Variants in HOMER1 observed in about 807,000 individuals in gnomAD.
HOMER1 encodes the protein homer scaffold protein 1.
HOMER1 carries 3 observed loss-of-function variants against 48.9 expected under a neutral mutation model. That is an observed-to-expected ratio of 0.06 (90% CI 0.03 to 0.16). HOMER1 has a LOEUF of 0.16. HOMER1 is among the 10% of genes least tolerant of loss of function. HOMER1 has a pLI of 1.00. For missense variants in HOMER1, 247 were observed against 411.4 expected (o/e 0.60, Z 3.46); for synonymous variants, 134 against 146.4 (o/e 0.92, Z 0.61).
intron 1 of HOMER1, chr5:79,511,033 C>G (rs777917855): frequency 2.0e-5 from 6 of 303,228 alleles, no homozygotes; most frequent in Non-Finnish European, 3.0e-5. Flanking sequence ...AAAAATTCAT[C>G]CTAAGCTTCC....
At chr5:79,414,987 G>C (rs906364074) in intron 5 of HOMER1, among the ~76,000 whole-genome samples, 1 of 152,118 alleles carries the variant, frequency 6.6e-6, no homozygotes, top group Admixed American at 6.6e-5. Context: ...AAGTGAAATA[G>C]AATTTAAGTA....
chr5:79,426,963 T>C (rs1750274757), intron 5 of HOMER1, among the ~76,000 whole-genome samples: 1 of 151,988 alleles, frequency 6.6e-6, no homozygotes, highest in Admixed American at 6.6e-5. Flanking sequence ...TAAAAAAAAA[T>C]TGGGTTAATT....
At chr5:79,423,674 T>C (rs1021638554) in intron 5 of HOMER1, among the ~76,000 whole-genome samples, 4 of 152,138 alleles carry the variant, frequency 2.6e-5, no homozygotes, top group African/African-American at 9.6e-5. Context: ...TGCTCAGCCA[T>C]GGAAGGCCGT....
chr5:79,506,297 T>C (rs1442238258), intron 1 of HOMER1, among the ~76,000 whole-genome samples: 2 of 152,174 alleles, frequency 1.3e-5, no homozygotes, highest in South Asian at 2.1e-4. Flanking sequence ...TATGTGTTGA[T>C]AATTTCCCTC....
At chr5:79,458,497 C>A (rs991044707) in intron 1 of HOMER1, among the ~76,000 whole-genome samples, 1 of 151,450 alleles carries the variant, frequency 6.6e-6, no homozygotes, top group African/African-American at 2.4e-5. Context: ...ATTAGAAAAA[C>A]GGCAAGGCAA....
At chr5:79,389,987 T>C (rs1445227396) in intron 8 of HOMER1, among the ~76,000 whole-genome samples, 1 of 152,092 alleles carries the variant, frequency 6.6e-6, no homozygotes, top group East Asian at 1.9e-4. Flanking sequence ...AGGATATCAT[T>C]AAAAACTAAT....
At chr5:79,489,875 A>G (rs753985175) in intron 1 of HOMER1, among the ~76,000 whole-genome samples, 2 of 152,188 alleles carry the variant, frequency 1.3e-5, no homozygotes, top group Non-Finnish European at 2.9e-5. Context: ...TCTGATGCTT[A>G]GAATCCTCCA....
intron 5 of HOMER1, among the ~76,000 whole-genome samples, chr5:79,409,889 G>A (rs1260075001): frequency 6.6e-6 from 1 of 152,154 alleles, no homozygotes; most frequent in African/African-American, 2.4e-5. Flanking sequence ...TGAGGAGGTG[G>A]AGAAAGTGGA....
intron 5 of HOMER1, among the ~76,000 whole-genome samples, chr5:79,409,444 A>AG (rs1749758886): frequency 6.7e-6 from 1 of 150,018 alleles, no homozygotes; most frequent in Admixed American, 6.6e-5. Context: ...AAAAAAAAAA[A>AG]GGAGAAAACC....
intron 1 of HOMER1, among the ~76,000 whole-genome samples, chr5:79,467,538 T>G (rs1245710513): frequency 1.3e-5 from 2 of 152,040 alleles, no homozygotes; most frequent in Admixed American, 6.5e-5. Context: ...CCATATAATA[T>G]CTAAACAAAT....
intron 5 of HOMER1, among the ~76,000 whole-genome samples, chr5:79,415,441 A>G (rs1220691615): frequency 6.6e-6 from 1 of 152,242 alleles, no homozygotes; most frequent in African/African-American, 2.4e-5. Context: ...AATTGTAGTC[A>G]TAAAGTGAAT....
At chr5:79,382,891 A>T (rs1411286404) in intron 8 of HOMER1, among the ~76,000 whole-genome samples, 1 of 152,232 alleles carries the variant, frequency 6.6e-6, no homozygotes, top group Non-Finnish European at 1.5e-5. Flanking sequence ...TATCAATAGT[A>T]ACCTAGAATG....
intron 5 of HOMER1, among the ~76,000 whole-genome samples, chr5:79,419,871 C>A (rs928420412): frequency 2.1e-5 from 3 of 142,818 alleles, no homozygotes; most frequent in Admixed American, 1.4e-4. Context: ...CACGGAAGTA[C>A]CTCTTCCTTA....
Position 79,451,924 on chromosome 5 carries a change from T to C in HOMER1, c.163-803A>G, listed in dbSNP as rs574184062. The stretch of plus-strand genomic sequence containing the variant: ...AAGCTGATTTACCTGAAATACATTA[T>C]GATACAGAAAAGACTTGCAATCGTT... On this transcript the variant is annotated intron_variant, in intron 2 of 8. Coordinates refer to ENST00000334082, the MANE Select transcript of HOMER1 (RefSeq NM_004272.5). Among the ~76,000 whole-genome samples the C allele has an allele frequency of 9.3e-4, 142 of 152,274 alleles. 1 individual carries two copies. Among genetic ancestry groups the C allele is most frequent in the South Asian group, 5.2e-3 (25 of 4,818 alleles).
intron 2 of HOMER1, among the ~76,000 whole-genome samples, chr5:79,453,307 AAGT>A (rs943076684): frequency 1.1e-4 from 16 of 152,178 alleles, no homozygotes; most frequent in Non-Finnish European, 2.4e-4. Flanking sequence ...AATAACTCAA[AAGT>A]GAGTCAACAA....
chr5:79,392,195 C>T lies in HOMER1; in HGVS notation c.876+4628G>A, dbSNP rs535336360. Among the ~76,000 whole-genome samples the T allele has an allele frequency of 5.3e-5, 8 of 152,208 alleles. No homozygotes were observed. The East Asian group carries it at 1.4e-3, about 26-fold the overall frequency. ...ACTATTCAAGTTATTTTAGAGTGTA[C>T]TCCTTCTACTTATTTAAAAAAACAT... On this transcript the variant is annotated intron_variant, in intron 8 of 8. Transcript: ENST00000334082.
chr5:79,512,074 T>C (rs1375724054), intron 1 of HOMER1, among the ~76,000 whole-genome samples: 1 of 152,172 alleles, frequency 6.6e-6, no homozygotes, highest in Non-Finnish European at 1.5e-5. Flanking sequence ...TGGCTCTGGG[T>C]CCGAAGGAAG....
chr5:79,498,153 C>T (rs1752478679), intron 1 of HOMER1, among the ~76,000 whole-genome samples: 1 of 152,160 alleles, frequency 6.6e-6, no homozygotes, highest in African/African-American at 2.4e-5. Flanking sequence ...GTAATCCCTG[C>T]ACTTTGGGAG....
intron 1 of HOMER1, among the ~76,000 whole-genome samples, chr5:79,468,134 A>G (rs1289711040): frequency 6.6e-6 from 1 of 152,218 alleles, no homozygotes; most frequent in Non-Finnish European, 1.5e-5. Context: ...ACTATCCAGT[A>G]TGGTAGCCAC....
Sources: allele counts gnomAD v4.1 joint callset (sites outside exome capture counted in the v4.1 genomes callset), GRCh38; gene constraint gnomAD v4.1.1; transcripts MANE v1.5; gene names NCBI Gene and HGNC (gene_info 2026-07-23, HGNC 2026-07-21).